LRRTM4: variants seen among roughly 807,000 people sequenced by gnomAD.
The protein encoded by LRRTM4 is leucine rich repeat transmembrane neuronal 4.
LRRTM4 carries 25 observed loss-of-function variants against 47.6 expected under a neutral mutation model. That is an observed-to-expected ratio of 0.53 (90% CI 0.38 to 0.73). The LOEUF is 0.73. Ranked by LOEUF, LRRTM4 falls within the 30% of genes least tolerant of loss-of-function variation. The pLI, the probability that LRRTM4 is intolerant of heterozygous loss-of-function variation, is 0.00. For missense variants in LRRTM4, 638 were observed against 713.4 expected (o/e 0.89, Z 1.20); for synonymous variants, 311 against 269.5 (o/e 1.15, Z -1.51).
At chr2:76,949,079 A>C (rs559712413) in intron 3 of LRRTM4, among the ~76,000 whole-genome samples, 1 of 149,870 alleles carries the variant, frequency 6.7e-6, no homozygotes, top group Non-Finnish European at 1.5e-5. Flanking sequence ...TAAGAGAAAT[A>C]GAGTGCTTTG....
intron 3 of LRRTM4, among the ~76,000 whole-genome samples, chr2:77,102,618 T>G (rs1363152361): frequency 1.3e-5 from 2 of 152,166 alleles, no homozygotes; most frequent in Non-Finnish European, 2.9e-5. Context: ...AGGTGACAAT[T>G]ACAGTTAGTT....
chr2:77,338,513 G>A (rs10198777), intron 3 of LRRTM4, among the ~76,000 whole-genome samples: 2,913 of 151,980 alleles, frequency 0.019, 101 homozygotes, highest in African/African-American at 0.066. Flanking sequence ...CTAATCATGA[G>A]AAAAATGCAA....
chr2:77,175,966 C>CTT (rs759715146), intron 3 of LRRTM4, among the ~76,000 whole-genome samples: 4 of 138,120 alleles, frequency 2.9e-5, no homozygotes, highest in African/African-American at 5.3e-5. Context: ...CTACTCCCGT[C>CTT]TTTTTTTTTT....
At chr2:77,268,836 A>G (rs1245754792) in intron 3 of LRRTM4, among the ~76,000 whole-genome samples, 1 of 152,128 alleles carries the variant, frequency 6.6e-6, no homozygotes, top group African/African-American at 2.4e-5. Flanking sequence ...TGGTTTTCAA[A>G]GTGTGGTTTC....
intron 3 of LRRTM4, among the ~76,000 whole-genome samples, chr2:76,887,877 G>C (rs1470387382): frequency 2.0e-5 from 3 of 150,840 alleles, no homozygotes; most frequent in East Asian, 1.9e-4. Context: ...AAAGATAAAA[G>C]ATAATGCCTA....
At chr2:77,091,312 C>CT (rs1294480802) in intron 3 of LRRTM4, among the ~76,000 whole-genome samples, 3 of 145,242 alleles carry the variant, frequency 2.1e-5, no homozygotes, top group Non-Finnish European at 4.4e-5. Context: ...TCATGCACCC[C>CT]TTACCATCTC....
chr2:77,385,663 T>G (rs576720202), intron 3 of LRRTM4, among the ~76,000 whole-genome samples: 9 of 151,582 alleles, frequency 5.9e-5, no homozygotes, highest in African/African-American at 2.2e-4. Context: ...CCTGTTGTAA[T>G]AAGTAGACTG....
intron 3 of LRRTM4, among the ~76,000 whole-genome samples, chr2:77,092,207 G>A (rs1339314803): frequency 1.3e-5 from 2 of 152,018 alleles, no homozygotes; most frequent in South Asian, 2.1e-4. Flanking sequence ...AATTACTGTT[G>A]TTCCTGACCC....
intron 3 of LRRTM4, among the ~76,000 whole-genome samples, chr2:76,894,115 G>C (rs773445613): frequency 6.6e-6 from 1 of 151,954 alleles, no homozygotes; most frequent in Non-Finnish European, 1.5e-5. Context: ...CAGAGTACCA[G>C]TGGAAGGAAT....
chr2:77,119,258 C>T (rs1323777866), intron 3 of LRRTM4, among the ~76,000 whole-genome samples: 4 of 151,686 alleles, frequency 2.6e-5, no homozygotes, highest in African/African-American at 9.7e-5. Flanking sequence ...CTTCCTTTTC[C>T]TTCTGCTGCT....
chr2:77,107,784 C>T (rs1467349476), intron 3 of LRRTM4, among the ~76,000 whole-genome samples: 2 of 142,824 alleles, frequency 1.4e-5, no homozygotes, highest in South Asian at 2.2e-4. Context: ...CACAGTTGCA[C>T]TCCAGTCTGG....
chr2:76,980,846 A>C (rs1676582444), intron 3 of LRRTM4, among the ~76,000 whole-genome samples: 1 of 152,052 alleles, frequency 6.6e-6, no homozygotes, highest in Admixed American at 6.6e-5. Flanking sequence ...TTTGATTTAC[A>C]TTTCTCTGTT....
chr2:76,844,599 A>G (rs1415266159), intron 3 of LRRTM4, among the ~76,000 whole-genome samples: 2 of 152,122 alleles, frequency 1.3e-5, no homozygotes, highest in African/African-American at 2.4e-5. Context: ...AAGTTTATCA[A>G]ACAAGCCAAG....
In LRRTM4 at chr2:76,815,586, GTAA is replaced by G. The variant is rs147303011; in HGVS notation, c.1552-66673_1552-66671del. 6.8e-3 allele frequency among the ~76,000 whole-genome samples: 1,040 copies of G among 152,164 alleles called. 10 individuals are homozygous for G. The highest frequency in any genetic ancestry group is 0.023 in the African/African-American group (947 of 41,492). On this transcript the variant is annotated intron_variant, in intron 3 of 3. Coordinates refer to ENST00000409884, the MANE Select transcript of LRRTM4 (RefSeq NM_001134745.3). ...AATCAAAGGCAAAGTCATAGTTGTA[GTAA>G]TAATAATACAAGCTTTTATTATTAG...
chr2:77,412,248 G>A (rs998888154), intron 3 of LRRTM4, among the ~76,000 whole-genome samples: 10 of 152,138 alleles, frequency 6.6e-5, no homozygotes, highest in African/African-American at 1.9e-4. Flanking sequence ...ATTTTAGTTC[G>A]CAGTACAATC....
At chr2:77,139,669 A>C (rs564699020) in intron 3 of LRRTM4, among the ~76,000 whole-genome samples, 1 of 152,314 alleles carries the variant, frequency 6.6e-6, no homozygotes, top group East Asian at 1.9e-4. Flanking sequence ...AATTAGGAAA[A>C]GAGGAAGTCA....
chr2:77,037,207 G>C (rs1678867102), intron 3 of LRRTM4, among the ~76,000 whole-genome samples: 1 of 151,732 alleles, frequency 6.6e-6, no homozygotes, highest in Non-Finnish European at 1.5e-5. Flanking sequence ...TACAGAGAGA[G>C]AATATGGGCT....
intron 3 of LRRTM4, among the ~76,000 whole-genome samples, chr2:76,822,782 A>C (rs1400722955): frequency 6.6e-6 from 1 of 151,506 alleles, no homozygotes; most frequent in Non-Finnish European, 1.5e-5. Context: ...GACTAACTTC[A>C]GAGATTGAGT....
chr2:76,902,797 TGAG>T (rs1673686351), intron 3 of LRRTM4, among the ~76,000 whole-genome samples: 1 of 152,172 alleles, frequency 6.6e-6, no homozygotes, highest in African/African-American at 2.4e-5. Flanking sequence ...ACTATTCTAT[TGAG>T]TTGTACATTA....
Sources: gnomAD v4.1 joint callset for allele counts (sites outside exome capture counted in the v4.1 genomes callset) on GRCh38, gnomAD v4.1.1 for gene constraint, MANE v1.5 for transcripts, NCBI Gene and HGNC (gene_info 2026-07-23, HGNC 2026-07-21) for gene names.